Variants in ITIH1 observed in about 807,000 individuals in gnomAD.
ITIH1 encodes the protein inter-alpha-trypsin inhibitor heavy chain H1.
Under a neutral mutation model 104.6 loss-of-function variants are expected in ITIH1, and 94 were observed. That is an observed-to-expected ratio of 0.90 (90% CI 0.76 to 1.07). ITIH1 has a LOEUF of 1.07. ITIH1 is among the 50% of genes least tolerant of loss of function. The pLI is 0.00. For synonymous variants in ITIH1, 455 were observed against 464.4 expected (o/e 0.98, Z 0.26); for missense variants, 1,193 against 1,181.4 (o/e 1.01, Z -0.14).
In ITIH1 at chr3:52,791,896, C is replaced by A. The variant is rs7549; in HGVS notation, c.2721C>A (p.Val907=). ...LIDGAYTDYI[V]PDIF ...ATGGTGCCTACACTGATTATATCGTCCCCGACATCTTCTGAGCCCTCTGGC... is the reference window on the plus strand; with the variant it reads ...ATGGTGCCTACACTGATTATATCGTACCCGACATCTTCTGAGCCCTCTGGC... The change falls in exon 22 of 22, where the codon GTC becomes GTA. Residue 907 remains valine, a synonymous_variant. Transcript: ENST00000273283. 0.074 allele frequency: 119,996 copies of A among 1,612,668 alleles called. 5,129 individuals are homozygous for A. Among genetic ancestry groups the A allele is most frequent in the Non-Finnish European group, 0.087 (102,498 of 1,179,122 alleles).
chr3:52,779,690 C>A lies in ITIH1; in HGVS notation c.573+96C>A. On this transcript the variant is annotated intron_variant, in intron 5 of 21. Coordinates refer to ENST00000273283, the MANE Select transcript of ITIH1 (RefSeq NM_002215.4). The surrounding 1 kb of genome is among the most constrained non-coding windows in gnomAD (Gnocchi z 4.4). ...CACCCACCATGTGTCACCACCCAGG[C>A]CTGAGAACACAGGGATGGGGACTAA... 2 of 1,422,058 alleles carry A rather than the reference C, an allele frequency of 1.4e-6. No individual in the cohort carries two copies. Among genetic ancestry groups the A allele is most frequent in the South Asian group, 1.2e-5 (1 of 86,208 alleles). The allele number at this position is 1,422,058 out of a possible 1,614,324, so 88.1% of individuals were successfully genotyped here. A position where few individuals can be genotyped will look rare whatever the true frequency, so the allele number is the denominator to read the frequency against.
At position 52,789,684 on chromosome 3, in the gene ITIH1, CA is replaced by C; in HGVS notation, c.2153del (p.Lys718ArgfsTer29). On this transcript the variant is annotated frameshift_variant, in exon 19 of 22. Coordinates refer to ENST00000273283, the MANE Select transcript of ITIH1 (RefSeq NM_002215.4). LOFTEE classifies it high-confidence loss of function. ...FSVNGQLIGN[K>X]ARSPGQHDGT... ...CAGTGAATGGACAGCTCATTGGCAA[CA>C]AGGCCAGGAGCCCTGGGCAGCATGA... is the stretch of plus-strand genomic sequence containing the variant. 1 of 1,614,234 alleles carries C rather than the reference CA, an allele frequency of 6.2e-7. No individual in the cohort carries two copies. Among genetic ancestry groups the C allele is most frequent in the Non-Finnish European group, 8.5e-7 (1 of 1,180,050 alleles).
At position 52,779,456 on chromosome 3, in the gene ITIH1, AT is replaced by A; in HGVS notation, c.437del (p.Phe146SerfsTer17). ...VRASGRTMEQ[F>X]TIHLTVNPQS... Reference sequence around the variant, plus strand: ...GGGCCTCGGGGAGAACTATGGAGCAATTCACCATCCACCTCACCGTCAATCC... The same window carrying A: ...GGGCCTCGGGGAGAACTATGGAGCAATCACCATCCACCTCACCGTCAATCC... On this transcript the variant is annotated frameshift_variant, in exon 5 of 22. Coordinates refer to ENST00000273283, the MANE Select transcript of ITIH1 (RefSeq NM_002215.4). LOFTEE classifies it high-confidence loss of function. The surrounding 1 kb of genome is among the most constrained non-coding windows in gnomAD (Gnocchi z 4.4). The A allele has an allele frequency of 6.2e-7, 1 of 1,614,208 alleles. No individual in the cohort carries two copies. Among genetic ancestry groups the A allele is most frequent in the Non-Finnish European group, 8.5e-7 (1 of 1,180,026 alleles).
Position 52,782,202 on chromosome 3 carries a change from A to G in ITIH1, c.865A>G (p.Met289Val), listed in dbSNP as rs756559645. The G allele has an allele frequency of 3.1e-6, 5 of 1,614,166 alleles. No individual in the cohort carries two copies. The Admixed American group carries it at 5.0e-5, about 16-fold the overall frequency. Residue 289 changes from methionine to valine, a missense_variant, in exon 8 of 22, where the codon ATG (methionine) becomes GTG (valine). Transcript: ENST00000273283. Reference protein sequence around the residue: ...HFFAPQNLTNMNKNVVFVIDI... With the variant: ...HFFAPQNLTNVNKNVVFVIDI... ...CTTTGCCCCCCAAAACCTGACAAAC[A>G]TGAACAAGAACGTGGTTTTTGTGAT...
In ITIH1 at chr3:52,786,436, T is replaced by C. The variant is rs748352774; in HGVS notation, c.1733+2T>C. 5.7e-6 allele frequency: 9 copies of C among 1,576,014 alleles called. No individual in the cohort carries two copies. The South Asian group carries it at 1.0e-4, about 18-fold the overall frequency. ...CATCCAGGAGCTGCTGGCCAAGCGG[T>C]AGGGCACCTGCAGCTGCCCCAGGTG... is the stretch of plus-strand genomic sequence containing the variant. On this transcript the variant is annotated splice_donor_variant, in intron 13 of 21. Transcript: ENST00000273283. LOFTEE classifies it high-confidence loss of function.
chr3:52,788,905 C>T (rs2300149), intron 18 of ITIH1, among the ~76,000 whole-genome samples: 55,981 of 151,740 alleles, frequency 0.37, 10,638 homozygotes, highest in Admixed American at 0.46. Flanking sequence ...TTAACACTTT[C>T]TAAACAAGGG....
At position 52,791,941 on chromosome 3, in the gene ITIH1, CG is replaced by C; in HGVS notation, c.*34del. The C allele has an allele frequency of 6.3e-7, 1 of 1,596,674 alleles. No individual in the cohort carries two copies. On this transcript the variant is annotated 3_prime_UTR_variant, in exon 22 of 22. Coordinates refer to ENST00000273283, the MANE Select transcript of ITIH1 (RefSeq NM_002215.4). ...TCTGGCCAGCACGCCTGTCCTCCCC[CG>C]GGGCCAAGGCAGAGGAGGAGGACGA...
intron 12 of ITIH1, among the ~76,000 whole-genome samples, chr3:52,785,864 C>T (rs368122039): frequency 1.4e-4 from 21 of 152,330 alleles, no homozygotes; most frequent in East Asian, 1.2e-3. Context: ...CCATATAATA[C>T]CCTTAGGCAG....
rs966645774 is a variant in ITIH1 at position 52,782,259 on chromosome 3, G to T, written c.922G>T (p.Val308Leu). The change falls in exon 8 of 22, where the codon GTG becomes TTG. Residue 308 changes from valine (V) to leucine (L), a missense_variant. By Grantham distance (32) the Val-to-Leu change is conservative (BLOSUM62 1). Transcript: ENST00000273283. ...CAGTGGCTCCATGAGAGGCCAGAAA[G>T]TGAAGCAGGTAGGCTGCAGCTTGAA... ...DISGSMRGQK[V>L]KQTKEALLKI... 2.5e-6 allele frequency: 4 copies of T among 1,613,010 alleles called. No homozygotes were observed. The highest frequency in any genetic ancestry group is 3.4e-6 in the Non-Finnish European group (4 of 1,179,040).
chr3:52,787,627 T>A lies in ITIH1; in HGVS notation c.1924+15T>A. On this transcript the variant is annotated intron_variant, in intron 16 of 21. Transcript: ENST00000273283. The stretch of plus-strand genomic sequence containing the variant: ...ACCCAGAAGGAGTAAGTGGCAGCCA[T>A]CCTGGCCATTCACATCTCTACCCCT... 2 of 1,613,984 alleles carry A rather than the reference T, an allele frequency of 1.2e-6. No homozygotes were observed. Among genetic ancestry groups the A allele is most frequent in the Non-Finnish European group, 1.7e-6 (2 of 1,179,816 alleles).
intron 13 of ITIH1, 58 bp downstream of exon 13, chr3:52,786,492 C>T (rs1699208258): frequency 2.0e-6 from 3 of 1,509,620 alleles, no homozygotes; most frequent in Non-Finnish European, 2.7e-6. Flanking sequence ...CCCCCCACCC[C>T]TTGGAGGTGA....
Position 52,779,827 on chromosome 3 carries a change from C to T in ITIH1, c.573+233C>T, listed in dbSNP as rs1698991683. The T allele has an allele frequency of 8.0e-7, 1 of 1,256,472 alleles. No individual in the cohort carries two copies. The allele number at this position is 1,256,472 out of a possible 1,614,324, so 77.8% of individuals were successfully genotyped here. On this transcript the variant is annotated intron_variant, in intron 5 of 21. Coordinates refer to ENST00000273283, the MANE Select transcript of ITIH1 (RefSeq NM_002215.4). The surrounding 1 kb of genome is among the most constrained non-coding windows in gnomAD (Gnocchi z 4.4). ...TGCTCATCTGCTAGACGGGGGGTTT[C>T]TGTGAGTCCCAGGACCGCCACAGGG...
chr3:52,790,507 C>T (rs1338665448), intron 19 of ITIH1: 4 of 467,760 alleles, frequency 8.6e-6, no homozygotes, highest in Non-Finnish European at 1.5e-5. Context: ...ACTTCACAGG[C>T]TCGGAGTGAG....
chr3:52,790,618 C>A lies in ITIH1; in HGVS notation c.2322-131C>A, dbSNP rs139395670. The A allele has an allele frequency of 6.9e-6, 6 of 872,098 alleles. No homozygotes were observed. In the African/African-American group the frequency reaches 8.5e-5, roughly 12 times the overall value. The allele number at this position is 872,098 out of a possible 1,614,324, so 54.0% of individuals were successfully genotyped here. On this transcript the variant is annotated intron_variant, in intron 19 of 21. Coordinates refer to ENST00000273283, the MANE Select transcript of ITIH1 (RefSeq NM_002215.4). The stretch of plus-strand genomic sequence containing the variant: ...GGAGGGGCGTGGAACAGGTAACAGC[C>A]GGCCATCTGGGGATGAAGGCCATGG...
chr3:52,790,034 G>A, intron 19 of ITIH1, 180 bp downstream of exon 19: 1 of 639,654 alleles, frequency 1.6e-6, no homozygotes, highest in South Asian at 1.9e-5. Context: ...TACTGGATAT[G>A]TCCTCTGGGC....
In ITIH1 at chr3:52,780,256, T is replaced by C; in HGVS notation, c.574-13T>C. The stretch of plus-strand genomic sequence containing the variant: ...CTTTTTTTTTAAAAAAATAATTTGC[T>C]TCAATGTTGCAGATTGATGTGGACA... On this transcript the variant is annotated splice_polypyrimidine_tract_variant and intron_variant, in intron 5 of 21. Transcript: ENST00000273283. The C allele has an allele frequency of 1.9e-6, 3 of 1,582,590 alleles. No homozygotes were observed. Among genetic ancestry groups the C allele is most frequent in the Non-Finnish European group, 2.6e-6 (3 of 1,155,496 alleles).
rs529854720 is a variant in ITIH1 at position 52,778,967 on chromosome 3, G to A, written c.331G>A (p.Gly111Arg). 26 of 1,613,782 alleles carry A rather than the reference G, an allele frequency of 1.6e-5. No homozygotes were observed. Among genetic ancestry groups the A allele is most frequent in the Admixed American group, 3.3e-5 (2 of 60,026 alleles). The change falls in exon 4 of 22, where the codon GGA becomes AGA. Residue 111 changes from glycine (G) to arginine (R), a missense_variant. Transcript: ENST00000273283. ...TACAGCAGATGGAAACGCATTTATCGGAGACATAAAGGACAAGGTGACTGC... is the reference window on the plus strand; with the variant it reads ...TACAGCAGATGGAAACGCATTTATCAGAGACATAAAGGACAAGGTGACTGC... Reference protein sequence around the residue: ...AVTADGNAFIGDIKDKVTAWK... With the variant: ...AVTADGNAFIRDIKDKVTAWK...
At chr3:52,790,949 T>G in intron 20 of ITIH1, 28 bp downstream of exon 20, 1 of 1,578,480 alleles carries the variant, frequency 6.3e-7, no homozygotes, top group Non-Finnish European at 8.6e-7. Context: ...GGCAGGGCTG[T>G]GGGGAAGGGT....
chr3:52,789,780 G>A lies in ITIH1; in HGVS notation c.2247G>A (p.Gln749=). The part of the protein sequence containing the change: ...ATDFQLEVTP[Q]NITLNPGFGG... ...ACTTTCAGTTGGAAGTGACTCCTCAGAACATTACGCTGAACCCCGGCTTTG... is the reference window on the plus strand; with the variant it reads ...ACTTTCAGTTGGAAGTGACTCCTCAAAACATTACGCTGAACCCCGGCTTTG... The change falls in exon 19 of 22, where the codon CAG becomes CAA. Residue 749 remains glutamine, a synonymous_variant. Transcript: ENST00000273283. The A allele has an allele frequency of 1.2e-6, 2 of 1,614,230 alleles. No homozygotes were observed. The highest frequency in any genetic ancestry group is 1.7e-6 in the Non-Finnish European group (2 of 1,180,046).
Sources: allele counts gnomAD v4.1 joint callset (sites outside exome capture counted in the v4.1 genomes callset), GRCh38; gene constraint gnomAD v4.1.1; non-coding constraint Gnocchi (gnomAD v3.1); transcripts MANE v1.5; gene names NCBI Gene and HGNC (gene_info 2026-07-23, HGNC 2026-07-21).